NBPF20: variants seen among roughly 807,000 people sequenced by gnomAD.
NBPF20 encodes NBPF member 20.
A neutral mutation model predicts 68.1 loss-of-function variants in NBPF20; 90 were observed. The ratio of observed to expected loss-of-function variants is 1.32; its 90% CI spans 1.11 to 1.58. The LOEUF (loss-of-function observed/expected upper bound fraction) is 1.58. Among genes scored for constraint, NBPF20 ranks in the 40% most tolerant of loss-of-function variants. The probability of loss-of-function intolerance (pLI) is 0.00; values close to 1 mark genes in which losing one functional copy is unlikely to be tolerated. For missense variants in NBPF20, 816 were observed against 601.2 expected (o/e 1.36, Z -3.74); for synonymous variants, 290 against 228.1 (o/e 1.27, Z -2.45).
chr1:145,400,518 G>C, exon 6 of NBPF20: 1 of 1,612,898 alleles, frequency 6.2e-7, no homozygotes, highest in Non-Finnish European at 8.5e-7. Flanking sequence ...TAAGGGCCAT[G>C]GCTATTTGAA....
the NBPF20 span, among the ~76,000 whole-genome samples, chr1:145,417,516 T>C: frequency 2.1e-5 from 3 of 142,324 alleles, no homozygotes; most frequent in African/African-American, 5.2e-5. Context: ...GTTAAGAGAA[T>C]GGAAAAAGCA....
the NBPF20 span, among the ~76,000 whole-genome samples, chr1:145,425,555 G>T: frequency 3.3e-5 from 5 of 152,208 alleles, no homozygotes; most frequent in Non-Finnish European, 7.3e-5. Context: ...CCGCCGCCCA[G>T]CCCATAGCCT....
chr1:145,421,403 T>C, the NBPF20 span, among the ~76,000 whole-genome samples: 1 of 152,210 alleles, frequency 6.6e-6, no homozygotes, highest in African/African-American at 2.4e-5. Flanking sequence ...TGACATTTCC[T>C]TTTATGTCAG....
chr1:145,291,860 T>A (rs587764763), intron 137 of NBPF20, 91 bp from the exon 143 acceptor site: 43 of 1,602,748 alleles, frequency 2.7e-5, no homozygotes, highest in Non-Finnish European at 3.4e-6. Context: ...AAGGAAGTGG[T>A]TAGAAAAGAA....
the NBPF20 span, among the ~76,000 whole-genome samples, chr1:145,420,169 T>G: frequency 1.4e-4 from 19 of 132,924 alleles, no homozygotes; most frequent in South Asian, 2.6e-4. Flanking sequence ...GAGACGGAAA[T>G]GGGGGCAGAG....
intron 10 of NBPF20, among the ~76,000 whole-genome samples, chr1:145,392,853 C>G (rs1273609916): frequency 2.0e-5 from 2 of 97,810 alleles, no homozygotes; most frequent in South Asian, 3.1e-4. Flanking sequence ...GATTAGGGCA[C>G]CACAGGCATG....
chr1:145,425,355 C>G, the NBPF20 span, among the ~76,000 whole-genome samples: 1 of 151,936 alleles, frequency 6.6e-6, no homozygotes, highest in Non-Finnish European at 1.5e-5. Context: ...GCCTTCACCT[C>G]GGAAACGCTG....
chr1:145,393,853 A>T, intron 9 of NBPF20, 31 bp downstream of exon 14: 2 of 1,524,538 alleles, frequency 1.3e-6, no homozygotes, highest in South Asian at 1.1e-5. Context: ...TGTCAACATC[A>T]AATTAACTCT....
Position 145,405,185 on chromosome 1 carries a change from C to A in NBPF20, c.88G>T (p.Glu30Ter). Residue 30 changes from glutamate to a stop codon, truncating the protein, a stop_gained, in exon 2 of 138, where the codon GAG (glutamate) becomes TAG (stop). Transcript: ENST00000369373. LOFTEE classifies it high-confidence loss of function. The stretch of plus-strand genomic sequence containing the variant: ...AGGTTTCCGAACTGCTGTTTGTTCT[C>A]TGCCAACTGGGGGCGCAATTTCTCG... 1.2e-6 allele frequency: 2 copies of A among 1,613,192 alleles called. No individual in the cohort carries two copies. Among genetic ancestry groups the A allele is most frequent in the Non-Finnish European group, 1.7e-6 (2 of 1,179,790 alleles).
At chr1:145,405,147 A>G in exon 2 of NBPF20, 1 of 1,613,738 alleles carries the variant, frequency 6.2e-7, no homozygotes, top group Non-Finnish European at 8.5e-7. Flanking sequence ...GAGTTACAAA[A>G]CATCTCTCTT....
the NBPF20 span, among the ~76,000 whole-genome samples, chr1:145,425,450 G>A: frequency 2.6e-5 from 4 of 151,996 alleles, no homozygotes; most frequent in Middle Eastern, 3.2e-3. Context: ...GCCACAGGTC[G>A]CCCGTCCCGC....
intron 137 of NBPF20, 74 bp from the exon 143 acceptor site, chr1:145,291,843 G>T: frequency 1.2e-6 from 2 of 1,610,716 alleles, no homozygotes; most frequent in South Asian, 1.1e-5. Context: ...GATTTCAGAA[G>T]TCACATAAGG....
At chr1:145,291,973 A>G (rs1661139850) in intron 137 of NBPF20, among the ~76,000 whole-genome samples, 2 of 150,182 alleles carry the variant, frequency 1.3e-5, no homozygotes, top group Admixed American at 1.3e-4. Context: ...ACAGAGAGAG[A>G]GAGACAGAGA....
Position 145,346,323 on chromosome 1 carries a change from TGG to T in NBPF20, c.8360_8361del (p.Pro2787GlnfsTer9). 8.1e-6 allele frequency: 1 copy of T among 122,988 alleles called. No individual in the cohort carries two copies. 7.6% of individuals were successfully genotyped at this position (122,988 alleles called of 1,614,324 possible). A position where few individuals can be genotyped will look rare whatever the true frequency, so the allele number is the denominator to read the frequency against. On this transcript the variant is annotated frameshift_variant and splice_region_variant, in exon 69 of 138. Transcript: ENST00000369373. LOFTEE classifies it high-confidence loss of function. ...GCATACACAATTGCTGAAAGTCACC[TGG>T]GGCATGGTGGGTTTTGATCTTCTTC...
At chr1:145,352,298 C>G (rs1324950978) in intron 61 of NBPF20, among the ~76,000 whole-genome samples, 1,047 of 86,262 alleles carry the variant, frequency 0.012, 38 homozygotes, top group Middle Eastern at 0.034. Context: ...CACACACACA[C>G]ACACACACAC....
intron 8 of NBPF20, 145 bp from the exon 14 acceptor site, chr1:145,394,080 T>C: frequency 1.5e-6 from 1 of 648,938 alleles, no homozygotes; most frequent in South Asian, 1.8e-5. Flanking sequence ...CCAGTAGGCC[T>C]GAGGTCAAGT....
At chr1:145,423,912 A>T in the NBPF20 span, among the ~76,000 whole-genome samples, 3 of 151,110 alleles carry the variant, frequency 2.0e-5, no homozygotes, top group African/African-American at 7.3e-5. Flanking sequence ...AATATACCCC[A>T]GTCTAGTAAT....
Position 145,292,667 on chromosome 1 carries a change from TC to T in NBPF20, c.16589-179del, listed in dbSNP as rs1227208567. ...CATGATAGAACTTCCTCGGTTTTTC[TC>T]CCAGAAACTGTGGGTAAAATGTCCC... On this transcript the variant is annotated intron_variant, in intron 136 of 137. Transcript: ENST00000369373. Among the ~76,000 whole-genome samples, 5 of 147,344 alleles carry T rather than the reference TC, an allele frequency of 3.4e-5. 1 individual carries two copies. Among genetic ancestry groups the T allele is most frequent in the African/African-American group, 1.3e-4 (5 of 37,686 alleles).
the NBPF20 span, among the ~76,000 whole-genome samples, chr1:145,424,470 A>G: frequency 3.5e-4 from 54 of 152,318 alleles, no homozygotes; most frequent in Middle Eastern, 3.4e-3. Context: ...TCAGAACAAA[A>G]ACTAAACACT....
Sources: allele counts gnomAD v4.1 joint callset (sites outside exome capture counted in the v4.1 genomes callset), GRCh38; gene constraint gnomAD v4.1.1; transcripts MANE v1.5; gene names NCBI Gene and HGNC (gene_info 2026-07-23, HGNC 2026-07-21).